The following USP54 variants were observed in gnomAD, a reference collection of about 807,000 sequenced individuals.
The protein encoded by USP54 is ubiquitin carboxyl-terminal hydrolase 54.
In USP54, 87 loss-of-function variants were observed where a neutral mutation model predicts 170.5. The observed-to-expected ratio is 0.51, with a 90% CI of 0.43 to 0.61. The LOEUF (loss-of-function observed/expected upper bound fraction) is 0.61. Ranked by LOEUF, USP54 falls within the 20% of genes least tolerant of loss-of-function variation. USP54 has a pLI of 0.00. For synonymous variants in USP54, 655 were observed against 742.8 expected (o/e 0.88, Z 1.92); for missense variants, 1,786 against 2,047.8 (o/e 0.87, Z 2.47).
At chr10:73,501,695 A>T (rs781471296) in intron 22 of USP54, among the ~76,000 whole-genome samples, 24 of 152,156 alleles carry the variant, frequency 1.6e-4, no homozygotes, top group Non-Finnish European at 1.5e-5. Context: ...CCTGTGTGAT[A>T]TGGCCCTGCT....
intron 9 of USP54, among the ~76,000 whole-genome samples, chr10:73,540,397 C>T (rs1454166996): frequency 2.6e-5 from 4 of 152,026 alleles, no homozygotes; most frequent in South Asian, 4.2e-4. Context: ...GGTGAAACTC[C>T]GTGTCTACTA....
chr10:73,526,073 A>T (rs1482745345), intron 16 of USP54, among the ~76,000 whole-genome samples: 1 of 152,204 alleles, frequency 6.6e-6, no homozygotes, highest in Admixed American at 6.5e-5. Flanking sequence ...AAGAATGGGG[A>T]TGTTAGTAAC....
At chr10:73,541,244 A>G (rs2133507961) in intron 9 of USP54, 131 bp downstream of exon 9, 2 of 1,345,088 alleles carry the variant, frequency 1.5e-6, no homozygotes, top group East Asian at 2.4e-5. Context: ...CTGTACACAA[A>G]TAAGTTTATC....
chr10:73,505,513 G>A (rs2058955076), intron 20 of USP54, 87 bp from the exon 21 acceptor site: 1 of 1,025,516 alleles, frequency 9.8e-7, no homozygotes, highest in East Asian at 2.5e-5. Flanking sequence ...CTCAGGAGCT[G>A]TTGTTTCATT....
intron 12 of USP54, among the ~76,000 whole-genome samples, chr10:73,532,204 G>A (rs1361519358): frequency 5.6e-4 from 85 of 150,964 alleles, no homozygotes; most frequent in Admixed American, 5.6e-3. Context: ...ACGGAGTCTC[G>A]CTCTGTCACC....
At chr10:73,575,473 A>G in intron 3 of USP54, 39 bp downstream of exon 3, 1 of 1,557,080 alleles carries the variant, frequency 6.4e-7, no homozygotes, top group Non-Finnish European at 8.7e-7. Flanking sequence ...TCAGCAATTA[A>G]AAGTCAAAGT....
intron 1 of USP54, among the ~76,000 whole-genome samples, chr10:73,598,825 C>T (rs2078946531): frequency 6.6e-6 from 1 of 152,200 alleles, no homozygotes; most frequent in Admixed American, 6.5e-5. Context: ...GAGGCTGAGG[C>T]AGGAGAATCG....
intron 4 of USP54, among the ~76,000 whole-genome samples, chr10:73,547,461 C>T (rs2068109878): frequency 6.6e-6 from 1 of 152,150 alleles, no homozygotes; most frequent in Non-Finnish European, 1.5e-5. Context: ...CTGGAGGCAT[C>T]ACGCTATCTG....
At chr10:73,555,465 G>C (rs1538772) in intron 4 of USP54, among the ~76,000 whole-genome samples, 133,354 of 152,258 alleles carry the variant, frequency 0.88, 58,796 homozygotes, top group East Asian at 1. Flanking sequence ...CCTGCTACCA[G>C]CTATGCAAAA....
At position 73,530,361 on chromosome 10, in the gene USP54, C is replaced by T. The variant is rs760300219; in HGVS notation, c.1610G>A (p.Gly537Glu). 1 of 1,614,072 alleles carries T rather than the reference C, an allele frequency of 6.2e-7. No individual in the cohort carries two copies. The highest frequency in any genetic ancestry group is 8.5e-7 in the Non-Finnish European group (1 of 1,180,026). ...AGGAGGTTTTTTGTCAGGCTGGTCTCCTCCTCTGCCCCTGCAGTGAGAGCC... is the reference window on the plus strand; with the variant it reads ...AGGAGGTTTTTTGTCAGGCTGGTCTTCTCCTCTGCCCCTGCAGTGAGAGCC... ...NVGSHCRGRG[G>E]DQPDKKPPRT... The change falls in exon 14 of 24, where the codon GGA becomes GAA. Residue 537 changes from glycine to glutamate, a missense_variant. Gly to Glu is a moderately conservative substitution (Grantham distance 98). Around this residue, in one of 3 missense-constraint regions of USP54, gnomAD observed 1,418 missense variants for 1,569.0 expected, o/e 0.90. Coordinates refer to ENST00000687698, the MANE Select transcript of USP54 (RefSeq NM_001391956.1).
At position 73,498,985 on chromosome 10, in the gene USP54, T is replaced by G. The variant is rs370633842; in HGVS notation, c.4699A>C (p.Thr1567Pro). The G allele has an allele frequency of 6.2e-7, 1 of 1,613,778 alleles. No homozygotes were observed. Among genetic ancestry groups the G allele is most frequent in the African/African-American group, 1.3e-5 (1 of 74,786 alleles). Residue 1567 changes from threonine (T) to proline (P), a missense_variant, in exon 24 of 24, where the codon ACC becomes CCC. Around this residue, in one of 3 missense-constraint regions of USP54, gnomAD observed 1,418 missense variants for 1,569.0 expected, o/e 0.90. Coordinates refer to ENST00000687698, the MANE Select transcript of USP54 (RefSeq NM_001391956.1). ...CTTTCTGGTAGTGTGGCAGTGTAGG[T>G]TAGTTGAGGATTGCACCCTGGAGTA... is the stretch of plus-strand genomic sequence containing the variant. ...LTTPGCNPQL[T>P]YTATLPERSK...
chr10:73,608,669 G>C (rs1367589384), intron 1 of USP54, among the ~76,000 whole-genome samples: 1 of 152,286 alleles, frequency 6.6e-6, no homozygotes, highest in East Asian at 1.9e-4. Context: ...GCCGAGGTGG[G>C]CAGATCATTT....
intron 1 of USP54, among the ~76,000 whole-genome samples, chr10:73,586,948 C>A (rs1225392519): frequency 6.6e-6 from 1 of 152,038 alleles, no homozygotes; most frequent in Non-Finnish European, 1.5e-5. Flanking sequence ...TTTTCCTGCA[C>A]AAGAACTTAG....
chr10:73,614,945 T>G (rs780329494), intron 1 of USP54: 4 of 150,336 alleles, frequency 2.7e-5, no homozygotes, highest in Non-Finnish European at 5.9e-5. Context: ...GTAGAAAATA[T>G]GTGCAATATA....
chr10:73,544,096 C>T (rs2067221590), intron 5 of USP54, among the ~76,000 whole-genome samples: 1 of 152,084 alleles, frequency 6.6e-6, no homozygotes, highest in Admixed American at 6.6e-5. Flanking sequence ...GTATGTGCCA[C>T]CACGCCTGGC....
chr10:73,557,722 G>A (rs1169423244), intron 4 of USP54, among the ~76,000 whole-genome samples: 2 of 151,780 alleles, frequency 1.3e-5, no homozygotes, highest in Admixed American at 6.6e-5. Flanking sequence ...CTGACCTCAG[G>A]TGATCCACCC....
At chr10:73,607,041 G>A (rs1284587543) in intron 1 of USP54, among the ~76,000 whole-genome samples, 1 of 151,902 alleles carries the variant, frequency 6.6e-6, no homozygotes. Flanking sequence ...CAGGCACAGA[G>A]GCTCATGCCT....
In USP54 at chr10:73,567,633, TTG is replaced by T. The variant is rs2074145983; in HGVS notation, c.240+3786_240+3787del. 1.4e-4 allele frequency among the ~76,000 whole-genome samples: 22 copies of T among 152,206 alleles called. 1 individual carries two copies. In the South Asian group the frequency reaches 4.4e-3, roughly 30 times the overall value. ...GTTGCAGTGAGCTGAGGTCGCGCCATTGCACTCCAGTCTGTGCAACAAGAGTG... is the reference window on the plus strand; with the variant it reads ...GTTGCAGTGAGCTGAGGTCGCGCCATCACTCCAGTCTGTGCAACAAGAGTG... On this transcript the variant is annotated intron_variant, in intron 4 of 23. Transcript: ENST00000687698.
chr10:73,533,342 G>A (rs2064460532), intron 12 of USP54, among the ~76,000 whole-genome samples: 1 of 151,998 alleles, frequency 6.6e-6, no homozygotes, highest in Non-Finnish European at 1.5e-5. Flanking sequence ...TTTAAAAAGT[G>A]ATTTCTTATG....
Sources: gnomAD v4.1 joint callset for allele counts (sites outside exome capture counted in the v4.1 genomes callset) on GRCh38, gnomAD v4.1.1 for gene constraint, gnomAD v4.1.1 regional missense constraint, MANE v1.5 for transcripts, NCBI Gene and HGNC (gene_info 2026-07-23, HGNC 2026-07-21) for gene names.